Variants in DIAPH1 observed in about 807,000 individuals in gnomAD.
The protein encoded by DIAPH1 is protein diaphanous homolog 1.
Under a neutral mutation model 140.7 loss-of-function variants are expected in DIAPH1, and 46 were observed. The observed-to-expected ratio is 0.33, with a 90% CI of 0.26 to 0.42. The LOEUF is 0.42. Ranked by LOEUF, DIAPH1 falls within the 10% of genes least tolerant of loss-of-function variation. The pLI is 1.00. For synonymous variants in DIAPH1, 565 were observed against 551.6 expected (o/e 1.02, Z -0.34); for missense variants, 1,310 against 1,558.7 (o/e 0.84, Z 2.69).
At chr5:141,591,898 A>G (rs1334378937) in intron 1 of DIAPH1, among the ~76,000 whole-genome samples, 1 of 150,114 alleles carries the variant, frequency 6.7e-6, no homozygotes, top group Non-Finnish European at 1.5e-5. Flanking sequence ...CCTGACCAAC[A>G]TGGTGAAACC....
At chr5:141,564,358 G>C (rs560730038) in intron 18 of DIAPH1, 7 of 152,152 alleles carry the variant, frequency 4.6e-5, no homozygotes, top group African/African-American at 1.4e-4. Context: ...ACTACCAAAC[G>C]CAACAATGAC....
chr5:141,599,737 T>C (rs2099899850), intron 1 of DIAPH1, among the ~76,000 whole-genome samples: 1 of 152,240 alleles, frequency 6.6e-6, no homozygotes, highest in African/African-American at 2.4e-5. Flanking sequence ...GGAACATGTT[T>C]AATGTGATAG....
At chr5:141,540,060 C>CAG (rs1480129778) in intron 18 of DIAPH1, among the ~76,000 whole-genome samples, 1 of 151,960 alleles carries the variant, frequency 6.6e-6, no homozygotes, top group Non-Finnish European at 1.5e-5. Context: ...TGGGCATTTA[C>CAG]AGGTCTAAAT....
chr5:141,611,023 G>A lies in DIAPH1; in HGVS notation c.117+7775C>T, dbSNP rs569311902. Among the ~76,000 whole-genome samples the A allele has an allele frequency of 2.2e-3, 333 of 152,040 alleles. 3 individuals are homozygous for A. The highest frequency in any genetic ancestry group is 3.9e-3 in the Non-Finnish European group (268 of 67,968). On this transcript the variant is annotated intron_variant, in intron 1 of 27. Coordinates refer to ENST00000389054, the MANE Select transcript of DIAPH1 (RefSeq NM_005219.5). Reference sequence around the variant, plus strand: ...CTGGATTGCTTGAGCCCAGGAGGTCGATGCTGCAACTGAGTTGTCATTGCA... The same window carrying A: ...CTGGATTGCTTGAGCCCAGGAGGTCAATGCTGCAACTGAGTTGTCATTGCA...
At chr5:141,601,063 A>G (rs1418096707) in intron 1 of DIAPH1, among the ~76,000 whole-genome samples, 1 of 151,514 alleles carries the variant, frequency 6.6e-6, no homozygotes, top group Non-Finnish European at 1.5e-5. Context: ...AACATCACAC[A>G]CCGGGGCCTG....
In DIAPH1 at chr5:141,544,733, T is replaced by C. The variant is rs747050871; in HGVS notation, c.2483-10300A>G. On this transcript the variant is annotated intron_variant, in intron 18 of 27. Coordinates refer to ENST00000389054, the MANE Select transcript of DIAPH1 (RefSeq NM_005219.5). ...TAAAAACAAAACCAAACAAAACTTA[T>C]GAGACTTAAGTGTTGGTGAGGATGC... Among the ~76,000 whole-genome samples the C allele has an allele frequency of 2.8e-4, 43 of 152,228 alleles. 1 individual carries two copies. The highest frequency in any genetic ancestry group is 1.0e-4 in the Non-Finnish European group (7 of 68,036).
At chr5:141,580,703 A>G in intron 8 of DIAPH1, 41 bp downstream of exon 8, 1 of 1,609,386 alleles carries the variant, frequency 6.2e-7, no homozygotes. Flanking sequence ...AGAAAATGAT[A>G]AAATTGAAAA....
In DIAPH1 at chr5:141,526,358, G is replaced by A; in HGVS notation, c.3377C>T (p.Pro1126Leu). The A allele has an allele frequency of 1.2e-6, 2 of 1,614,110 alleles. No homozygotes were observed. Among genetic ancestry groups the A allele is most frequent in the Non-Finnish European group, 1.7e-6 (2 of 1,180,022 alleles). The change falls in exon 25 of 28, where the codon CCC (proline) becomes CTC (leucine). Residue 1126 changes from proline to leucine, a missense_variant. Pro to Leu is a moderately conservative substitution (Grantham distance 98, BLOSUM62 -3). Transcript: ENST00000389054. ...AAATTCTTCAACAGACAACTTCTTGGGGTCAAAGAGGAAGTACTCGCCCAG... is the reference window on the plus strand; with the variant it reads ...AAATTCTTCAACAGACAACTTCTTGAGGTCAAAGAGGAAGTACTCGCCCAG... The part of the protein sequence containing the change: ...KELGEYFLFD[P>L]KKLSVEEFFM...
At chr5:141,574,263 G>C in intron 15 of DIAPH1, 55 bp from the exon 16 acceptor site, 1 of 1,565,418 alleles carries the variant, frequency 6.4e-7, no homozygotes, top group Non-Finnish European at 8.8e-7. Flanking sequence ...GGACTACTGG[G>C]ACTGGAAGGA....
At chr5:141,563,510 T>C (rs1268047108) in intron 18 of DIAPH1, 1 of 152,200 alleles carries the variant, frequency 6.6e-6, no homozygotes, top group African/African-American at 2.4e-5. Context: ...GTTTGAGATT[T>C]ACTGGTATCA....
intron 27 of DIAPH1, chr5:141,519,043 G>A (rs1473158363): frequency 6.6e-7 from 1 of 1,508,992 alleles, no homozygotes; most frequent in African/African-American, 1.4e-5. Context: ...GACAGCCACA[G>A]GACTTATCTA....
rs2099897090 is a variant in DIAPH1, at chr5:141,583,576, A to AC, written c.441dup (p.Tyr148ValfsTer39). Reference sequence around the variant, plus strand: ...AAGCCTGACCTCAACTCCTGAATATACATCATGGCAGACTTAGAGCTCTCC... The same window carrying AC: ...AAGCCTGACCTCAACTCCTGAATATACCATCATGGCAGACTTAGAGCTCTCC... On this transcript the variant is annotated frameshift_variant, in exon 5 of 28. Coordinates refer to ENST00000389054, the MANE Select transcript of DIAPH1 (RefSeq NM_005219.5). LOFTEE classifies it high-confidence loss of function. 6.2e-7 allele frequency: 1 copy of AC among 1,614,122 alleles called. No homozygotes were observed. The highest frequency in any genetic ancestry group is 1.1e-5 in the South Asian group (1 of 91,094).
chr5:141,617,280 C>T lies in DIAPH1; in HGVS notation c.117+1518G>A, dbSNP rs1162613004. Among the ~76,000 whole-genome samples, 5 of 151,034 alleles carry T rather than the reference C, an allele frequency of 3.3e-5. No individual in the cohort carries two copies. The East Asian group carries it at 9.7e-4, about 29-fold the overall frequency. On this transcript the variant is annotated intron_variant, in intron 1 of 27. Transcript: ENST00000389054. ...CCAAAGAAGGAGGGGGTGTCAATAC[C>T]CTTAACCTTATATTTCTAGGGGGGG...
chr5:141,529,050 G>GA (rs1489273647), intron 21 of DIAPH1, 109 bp from the exon 22 acceptor site: 1 of 1,582,602 alleles, frequency 6.3e-7, no homozygotes, highest in Non-Finnish European at 8.7e-7. Flanking sequence ...GCAGGGAGAA[G>GA]AGAGAGATTA....
intron 27 of DIAPH1, among the ~76,000 whole-genome samples, chr5:141,519,566 GTACC>G (rs1329540784): frequency 6.6e-6 from 1 of 152,224 alleles, no homozygotes; most frequent in African/African-American, 2.4e-5. Flanking sequence ...GATACCAGTT[GTACC>G]TAACCAAGTG....
At chr5:141,582,059 CAAAAAAAA>C (rs70991705) in intron 7 of DIAPH1, 241 of 79,678 alleles carry the variant, frequency 3.0e-3, no homozygotes, top group East Asian at 6.6e-3. Flanking sequence ...GACTCCATCT[CAAAAAAAA>C]AAAAAAAAAA....
intron 18 of DIAPH1, chr5:141,535,929 A>T: frequency 2.4e-6 from 1 of 422,764 alleles, no homozygotes; most frequent in South Asian, 1.8e-5. Context: ...AAACCACATG[A>T]AAAGTATTAC....
At chr5:141,612,635 G>A (rs1320122054) in intron 1 of DIAPH1, among the ~76,000 whole-genome samples, 1 of 152,194 alleles carries the variant, frequency 6.6e-6, no homozygotes, top group Non-Finnish European at 1.5e-5. Flanking sequence ...GAGATGGGAG[G>A]ACGAGGATGG....
At chr5:141,529,337 T>TAAAAGTTG in intron 20 of DIAPH1, 64 bp from the exon 21 acceptor site, 1 of 1,294,328 alleles carries the variant, frequency 7.7e-7, no homozygotes, top group Non-Finnish European at 1.1e-6. Flanking sequence ...CCTAAACAAC[T>TAAAAGTTG]TTTACTCTGT....
Sources: gnomAD v4.1 joint callset for allele counts (sites outside exome capture counted in the v4.1 genomes callset) on GRCh38, gnomAD v4.1.1 for gene constraint, MANE v1.5 for transcripts, NCBI Gene and HGNC (gene_info 2026-07-23, HGNC 2026-07-21) for gene names.